WIZ: variants seen among roughly 807,000 people sequenced by gnomAD.
WIZ encodes the protein protein Wiz.
A neutral mutation model predicts 140.2 loss-of-function variants in WIZ; 25 were observed. The ratio of observed to expected loss-of-function variants is 0.18; its 90% confidence interval spans 0.13 to 0.25. The LOEUF (loss-of-function observed/expected upper bound fraction) is 0.25. Ranked by LOEUF, WIZ falls within the 10% of genes least tolerant of loss-of-function variation. WIZ has a pLI of 1.00. For missense variants in WIZ, 2,231 were observed against 2,632.6 expected (o/e 0.85, Z 3.34); for synonymous variants, 1,125 against 1,154.3 (o/e 0.97, Z 0.51).
In WIZ at chr19:15,425,599, C is replaced by T. The variant is rs1968704923; in HGVS notation, c.4536G>A (p.Lys1512=). The T allele has an allele frequency of 1.2e-6, 2 of 1,613,510 alleles. No homozygotes were observed. The highest frequency in any genetic ancestry group is 8.5e-7 in the Non-Finnish European group (1 of 1,179,870). Residue 1512 remains lysine (K), a synonymous_variant, in exon 10 of 13, where the codon AAG becomes AAA. Coordinates refer to ENST00000673675, the MANE Select transcript of WIZ (RefSeq NM_001371589.1). ...TCTTGATGAGGCACGGCTTGGACTT[C>T]TTCTTGAGGATCTCTCGCAGTGTGT... ...PIDTLREILK[K]KSKPCLIKKE... is the part of the protein sequence containing the mutation.
At chr19:15,446,806 T>C (rs1336737813) in intron 2 of WIZ, among the ~76,000 whole-genome samples, 1 of 152,220 alleles carries the variant, frequency 6.6e-6, no homozygotes, top group East Asian at 1.9e-4. Flanking sequence ...CAGCCTCAGA[T>C]GGTGGGGTCT....
Position 15,423,073 on chromosome 19 carries a change from G to A in WIZ, c.*3C>T, listed in dbSNP as rs1193757950. ...ACGAGAGGGGATCTGGAATGCTTTT[G>A]TGTTAGGGAGCCTCTGCCGCCGCTG... On this transcript the variant is annotated 3_prime_UTR_variant, in exon 13 of 13. Coordinates refer to ENST00000673675, the MANE Select transcript of WIZ (RefSeq NM_001371589.1). 6.2e-7 allele frequency: 1 copy of A among 1,611,130 alleles called. No homozygotes were observed. Among genetic ancestry groups the A allele is most frequent in the Non-Finnish European group, 8.5e-7 (1 of 1,179,342 alleles).
chr19:15,437,501 A>C (rs1230576264), intron 4 of WIZ, among the ~76,000 whole-genome samples: 2 of 151,982 alleles, frequency 1.3e-5, no homozygotes, highest in African/African-American at 4.8e-5. Flanking sequence ...CATCTCTATA[A>C]AAAAATTAGC....
Position 15,424,395 on chromosome 19 carries a change from G to A in WIZ, c.5315-17C>T, listed in dbSNP as rs780820990. On this transcript the variant is annotated splice_polypyrimidine_tract_variant and intron_variant, in intron 11 of 12. Coordinates refer to ENST00000673675, the MANE Select transcript of WIZ (RefSeq NM_001371589.1). The surrounding 1 kb of genome is among the most constrained non-coding windows in gnomAD (Gnocchi z 9.7). ...GTTCAAATTCTAAGGTGGAGAGGGGGACGGGAGATGAGTGGGAGGGGTGGA... is the reference window on the plus strand; with the variant it reads ...GTTCAAATTCTAAGGTGGAGAGGGGAACGGGAGATGAGTGGGAGGGGTGGA... 2.5e-6 allele frequency: 4 copies of A among 1,596,978 alleles called. No individual in the cohort carries two copies. The highest frequency in any genetic ancestry group is 2.2e-4 in the Middle Eastern group (1 of 4,620).
Position 15,422,294 on chromosome 19 carries a change from A to T in WIZ, c.*782T>A, listed in dbSNP as rs1430203639. 1 of 152,234 alleles carries T rather than the reference A, an allele frequency of 6.6e-6. No individual in the cohort carries two copies. The highest frequency in any genetic ancestry group is 1.5e-5 in the Non-Finnish European group (1 of 68,056). The allele number at this position is 152,234 out of a possible 1,614,324, so 9.4% of individuals were successfully genotyped here. The stretch of plus-strand genomic sequence containing the variant: ...AAGTGAAAGGTCTAGGGAGCTATAC[A>T]TAGAAAGCAACAGTGAAAAGGGAGA... On this transcript the variant is annotated 3_prime_UTR_variant, in exon 13 of 13. Coordinates refer to ENST00000673675, the MANE Select transcript of WIZ (RefSeq NM_001371589.1).
intron 9 of WIZ, 152 bp from the exon 10 acceptor site, chr19:15,425,920 G>T: frequency 1.5e-6 from 1 of 648,246 alleles, no homozygotes; most frequent in East Asian, 2.8e-5. Flanking sequence ...AGGAGAAGGA[G>T]GCGGCGGCTG....
Position 15,426,969 on chromosome 19 carries a change from G to A in WIZ, c.4366+13C>T. 3.8e-6 allele frequency: 6 copies of A among 1,596,686 alleles called. No homozygotes were observed. The highest frequency in any genetic ancestry group is 2.2e-5 in the East Asian group (1 of 44,690). On this transcript the variant is annotated intron_variant, in intron 9 of 12. Coordinates refer to ENST00000673675, the MANE Select transcript of WIZ (RefSeq NM_001371589.1). ...CAACTGTTCTCCCTGCCCTACTGCA[G>A]GGTCACACTTACACAGGTTCAGGGG...
In WIZ at chr19:15,439,227, G is replaced by A. The variant is rs1279539550; in HGVS notation, c.1767C>T (p.Pro589=). 1 of 1,535,682 alleles carries A rather than the reference G, an allele frequency of 6.5e-7. No homozygotes were observed. The highest frequency in any genetic ancestry group is 8.7e-7 in the Non-Finnish European group (1 of 1,146,650). Residue 589 remains proline, a synonymous_variant, in exon 4 of 13, where the codon CCC becomes CCT. Transcript: ENST00000673675. This position sits in a 1 kb window ranked among gnomAD's most constrained non-coding sequence, Gnocchi z 7.0. ...LAFPSTLAST[P]YSLQLGRNKS... is the part of the protein sequence containing the mutation. ...TGTTTCTCCCGAGCTGTAAGGAGTA[G>A]GGGGTGGATGCTAGTGTGGAGGGAA... is the stretch of plus-strand genomic sequence containing the variant.
intron 4 of WIZ, among the ~76,000 whole-genome samples, chr19:15,437,984 C>T (rs986177232): frequency 6.6e-6 from 1 of 152,100 alleles, no homozygotes; most frequent in Non-Finnish European, 1.5e-5. Context: ...CCCCCAACCC[C>T]TAGTGCGTAG....
rs753384089 is a variant in WIZ at position 15,428,611 on chromosome 19, TG to T, written c.3416-104del. The T allele has an allele frequency of 1.7e-5, 24 of 1,387,280 alleles. No individual in the cohort carries two copies. Among genetic ancestry groups the T allele is most frequent in the Non-Finnish European group, 6.8e-6 (7 of 1,022,808 alleles). The allele number at this position is 1,387,280 out of a possible 1,614,324, so 85.9% of individuals were successfully genotyped here. A position where few individuals can be genotyped will look rare whatever the true frequency, so the allele number is the denominator to read the frequency against. On this transcript the variant is annotated intron_variant, in intron 7 of 12. Coordinates refer to ENST00000673675, the MANE Select transcript of WIZ (RefSeq NM_001371589.1). The surrounding 1 kb of genome is among the most constrained non-coding windows in gnomAD (Gnocchi z 6.4). ...TGTGATTTTTGGCTGCTCAGGCAGT[TG>T]GGGGGTCCAAGACTCAGGCCGCAGA... is the stretch of plus-strand genomic sequence containing the variant.
chr19:15,448,106 A>C lies in WIZ; in HGVS notation c.202T>G (p.Ser68Ala). The change falls in exon 2 of 13, where the codon TCT (serine) becomes GCT (alanine). Residue 68 changes from serine to alanine, a missense_variant. Ser to Ala is a moderately conservative substitution (Grantham distance 99). Transcript: ENST00000673675. ...RDILDGRGGI[S>A]DGQPHPGLSE... Reference sequence around the variant, plus strand: ...GCCACACGGCCCATTCTCTTACCAGAGATGCCACCTCTGCCATCCAGAATG... The same window carrying C: ...GCCACACGGCCCATTCTCTTACCAGCGATGCCACCTCTGCCATCCAGAATG... The C allele has an allele frequency of 6.2e-7, 1 of 1,611,636 alleles. No individual in the cohort carries two copies. The highest frequency in any genetic ancestry group is 8.5e-7 in the Non-Finnish European group (1 of 1,179,128).
rs543238956 is a variant in WIZ, at chr19:15,430,733, G to A, written c.2911+279C>T. On this transcript the variant is annotated intron_variant, in intron 6 of 12. Coordinates refer to ENST00000673675, the MANE Select transcript of WIZ (RefSeq NM_001371589.1). ...GCACAGCTAGCAAAGGCCAGATTCA[G>A]CAAATGAGCTGGGTCTGAGTATGAG... Among the ~76,000 whole-genome samples, 5 of 104,754 alleles carry A rather than the reference G, an allele frequency of 4.8e-5. No homozygotes were observed. The South Asian group carries it at 1.7e-3, about 35-fold the overall frequency. The allele number at this position is 104,754 out of a possible 152,430, so 68.7% of individuals were successfully genotyped here.
rs1204891734 is a variant in WIZ, at chr19:15,429,615, T to C, written c.3386A>G (p.Gln1129Arg). The stretch of plus-strand genomic sequence containing the variant: ...GTTCAAGGGCCCCTCATCCTCAGAC[T>C]GAGGCCACTGTGCCTTTGGGGAGGC... ...RPASPKAQWPQSEDEGPLNLT... is the reference protein window; with the variant it reads ...RPASPKAQWPRSEDEGPLNLT... Residue 1129 changes from glutamine to arginine, a missense_variant, in exon 7 of 13, where the codon CAG (glutamine) becomes CGG (arginine). By Grantham distance (43) the Gln-to-Arg change is conservative (BLOSUM62 1). Around this residue, in one of 15 missense-constraint regions of WIZ, gnomAD observed 163 missense variants for 166.8 expected, o/e 0.98. Transcript: ENST00000673675. The C allele has an allele frequency of 8.5e-6, 12 of 1,410,450 alleles. No individual in the cohort carries two copies. In the African/African-American group the frequency reaches 1.6e-4, roughly 19 times the overall value. The allele number at this position is 1,410,450 out of a possible 1,614,324, so 87.4% of individuals were successfully genotyped here.
chr19:15,427,202 C>A lies in WIZ; in HGVS notation c.4146G>T (p.Pro1382=). 1 of 1,614,102 alleles carries A rather than the reference C, an allele frequency of 6.2e-7. No homozygotes were observed. Among genetic ancestry groups the A allele is most frequent in the Non-Finnish European group, 8.5e-7 (1 of 1,180,006 alleles). Residue 1382 remains proline, a synonymous_variant, in exon 9 of 13, where the codon CCG becomes CCT. Transcript: ENST00000673675. This position sits in a 1 kb window ranked among gnomAD's most constrained non-coding sequence, Gnocchi z 6.4. The part of the protein sequence containing the change: ...SPLAKKLPPP[P]GSPLGHSPTA... The stretch of plus-strand genomic sequence containing the variant: ...TTGGTGAGTGGCCCAGGGGGCTGCC[C>A]GGTGGTGGTGGCAACTTCTTGGCCA...
chr19:15,423,183 G>A lies in WIZ; in HGVS notation c.5563C>T (p.Arg1855Trp), dbSNP rs201412241. 5.6e-6 allele frequency: 9 copies of A among 1,613,630 alleles called. No homozygotes were observed. Among genetic ancestry groups the A allele is most frequent in the South Asian group, 1.1e-5 (1 of 91,062 alleles). Reference protein sequence around the residue: ...GPLSIQEEWVRHLQRHILEMN... With the variant: ...GPLSIQEEWVWHLQRHILEMN... ...TCCAGGATGTGCCGCTGTAAGTGCC[G>A]CACCCACTCTTCCTGGATGGAGAGG... Residue 1855 changes from arginine (R) to tryptophan (W), a missense_variant, in exon 13 of 13, where the codon CGG (arginine) becomes TGG (tryptophan). Physicochemically the swap from Arg to Trp is moderately radical, Grantham distance 101. Transcript: ENST00000673675.
chr19:15,427,058 C>T lies in WIZ; in HGVS notation c.4290G>A (p.Gly1430=), dbSNP rs767852993. ...RVEIKREMLP[G]ALHGELHPSE... ...ATGGGTGCAGTTCCCCATGAAGGGC[C>T]CCCGGCAGCATCTCCCGCTTGATCT... Residue 1430 remains glycine, a synonymous_variant, in exon 9 of 13, where the codon GGG becomes GGA. Transcript: ENST00000673675. The surrounding 1 kb of genome is among the most constrained non-coding windows in gnomAD (Gnocchi z 6.4). 1.2e-6 allele frequency: 2 copies of T among 1,614,180 alleles called. No individual in the cohort carries two copies. Among genetic ancestry groups the T allele is most frequent in the East Asian group, 2.2e-5 (1 of 44,886 alleles).
intron 5 of WIZ, chr19:15,433,183 A>C (rs1412020204): frequency 1.1e-6 from 1 of 929,422 alleles, no homozygotes; most frequent in Non-Finnish European, 1.3e-6. Context: ...CAACCACAAG[A>C]ATCCCTCCAG....
Position 15,437,068 on chromosome 19 carries a change from G to A in WIZ, c.2478C>T (p.Phe826=), listed in dbSNP as rs776786918. 28 of 1,612,982 alleles carry A rather than the reference G, an allele frequency of 1.7e-5. No homozygotes were observed. The Admixed American group carries it at 1.8e-4, about 11-fold the overall frequency. The change falls in exon 5 of 13, where the codon TTC becomes TTT. Residue 826 remains phenylalanine, a synonymous_variant. Transcript: ENST00000673675. ...GGCTGGAGAGGCCGGCCCGTGTGTC[G>A]AAGCCAGCCCCGCAGAAGTCACAGC... ...LMRCDFCGAG[F]DTRAGLSSHA...
At position 15,438,785 on chromosome 19, in the gene WIZ, C is replaced by G; in HGVS notation, c.2209G>C (p.Asp737His). 2.0e-6 allele frequency: 3 copies of G among 1,530,940 alleles called. No individual in the cohort carries two copies. Among genetic ancestry groups the G allele is most frequent in the Non-Finnish European group, 2.6e-6 (3 of 1,142,690 alleles). 94.8% of individuals were successfully genotyped at this position (1,530,940 alleles called of 1,614,324 possible). ...GGPLGLDTLL[D>H]GDPAMALKHE... ...TTCAGTGCCATGGCCGGATCCCCAT[C>G]CAGGAGTGTGTCCAGCCCCAGCGGG... The change falls in exon 4 of 13, where the codon GAT becomes CAT. Residue 737 changes from aspartate to histidine, a missense_variant. This residue lies in a region of WIZ where 118 missense variants were observed against 209.1 expected (regional missense o/e 0.56). Coordinates refer to ENST00000673675, the MANE Select transcript of WIZ (RefSeq NM_001371589.1).
Sources: gnomAD v4.1 joint callset for allele counts (sites outside exome capture counted in the v4.1 genomes callset) on GRCh38, gnomAD v4.1.1 for gene constraint, gnomAD v4.1.1 regional missense constraint, Gnocchi (gnomAD v3.1) non-coding constraint, MANE v1.5 for transcripts, NCBI Gene and HGNC (gene_info 2026-07-23, HGNC 2026-07-21) for gene names.